The following QTMAN variants were observed in gnomAD, a reference collection of about 807,000 sequenced individuals.
QTMAN encodes the protein queuosine-tRNA mannosyltransferase.
At chr2:143,970,505 G>T in the QTMAN span, 1 of 644,894 alleles carries the variant, frequency 1.6e-6, no homozygotes, top group Non-Finnish European at 2.8e-6. Context: ...TTTTTTAATT[G>T]AATCAGACTT....
chr2:143,947,717 T>C, the QTMAN span, among the ~76,000 whole-genome samples: 1 of 152,190 alleles, frequency 6.6e-6, no homozygotes, highest in Non-Finnish European at 1.5e-5. Context: ...TAGAATCAGG[T>C]TGCAAATGAG....
chr2:144,049,847 G>C, the QTMAN span, among the ~76,000 whole-genome samples: 1 of 152,122 alleles, frequency 6.6e-6, no homozygotes, highest in Admixed American at 6.5e-5. Flanking sequence ...TACTATATTA[G>C]TTTTACTAAG....
the QTMAN span, among the ~76,000 whole-genome samples, chr2:144,255,780 T>A: frequency 6.6e-6 from 1 of 152,230 alleles, no homozygotes; most frequent in African/African-American, 2.4e-5. Context: ...GGTGAATACA[T>A]GTCATTATAC....
At chr2:144,084,090 G>A in the QTMAN span, among the ~76,000 whole-genome samples, 2 of 152,186 alleles carry the variant, frequency 1.3e-5, no homozygotes, top group Non-Finnish European at 1.5e-5. Flanking sequence ...GTGAACTAGA[G>A]AGAACTTATT....
At chr2:144,332,296 C>A in the QTMAN span, 1 of 150,486 alleles carries the variant, frequency 6.6e-6, no homozygotes, top group African/African-American at 2.4e-5. Flanking sequence ...CCCGGCTCCC[C>A]GCGCCGCAGC....
chr2:144,227,980 C>T, the QTMAN span, among the ~76,000 whole-genome samples: 1 of 152,150 alleles, frequency 6.6e-6, no homozygotes, highest in Non-Finnish European at 1.5e-5. Context: ...GAGTAAACAT[C>T]CCTTTCTAAA....
the QTMAN span, among the ~76,000 whole-genome samples, chr2:144,246,096 T>C: frequency 2.0e-5 from 3 of 152,236 alleles, no homozygotes; most frequent in East Asian, 5.8e-4. Context: ...TGTAGTCTAA[T>C]GGGGGAGACA....
chr2:144,246,911 A>G, the QTMAN span, among the ~76,000 whole-genome samples: 1 of 152,256 alleles, frequency 6.6e-6, no homozygotes, highest in Non-Finnish European at 1.5e-5. Flanking sequence ...AAGCTGGAAG[A>G]CAATGGAACA....
the QTMAN span, among the ~76,000 whole-genome samples, chr2:144,258,157 G>A: frequency 6.8e-6 from 1 of 146,348 alleles, no homozygotes; most frequent in Non-Finnish European, 1.5e-5. Flanking sequence ...GAAATACAAA[G>A]ATATATAAGA....
the QTMAN span, among the ~76,000 whole-genome samples, chr2:144,210,338 G>T: frequency 6.6e-6 from 1 of 152,096 alleles, no homozygotes; most frequent in Non-Finnish European, 1.5e-5. Flanking sequence ...ACTACAAATA[G>T]CAAGAAGGTA....
chr2:143,972,012 C>T, the QTMAN span, among the ~76,000 whole-genome samples: 2 of 152,020 alleles, frequency 1.3e-5, no homozygotes, highest in Non-Finnish European at 1.5e-5. Flanking sequence ...AGTTCTATAG[C>T]CATTTAAGTT....
At chr2:144,307,159 TAAAAAAAAA>T in the QTMAN span, among the ~76,000 whole-genome samples, 2 of 40,466 alleles carry the variant, frequency 4.9e-5, no homozygotes, top group Non-Finnish European at 7.9e-5. Context: ...GACTCCGTCT[TAAAAAAAAA>T]AAAAAAAAAA....
At chr2:144,308,055 T>C in the QTMAN span, among the ~76,000 whole-genome samples, 1 of 151,646 alleles carries the variant, frequency 6.6e-6, no homozygotes, top group Admixed American at 6.6e-5. Context: ...ACTTAAACCA[T>C]GTGATTTCAA....
chr2:144,263,836 A>G, the QTMAN span, among the ~76,000 whole-genome samples: 49 of 152,318 alleles, frequency 3.2e-4, no homozygotes, highest in African/African-American at 1.2e-3. Context: ...GCACTATAAG[A>G]GGCAAAAAGA....
the QTMAN span, among the ~76,000 whole-genome samples, chr2:144,211,846 A>G: frequency 6.6e-6 from 1 of 152,222 alleles, no homozygotes; most frequent in Non-Finnish European, 1.5e-5. Context: ...CAATAGTCAA[A>G]GAAAGCTACA....
At chr2:144,004,357 G>A in the QTMAN span, among the ~76,000 whole-genome samples, 1 of 151,958 alleles carries the variant, frequency 6.6e-6, no homozygotes, top group East Asian at 1.9e-4. Context: ...CCACCCATAC[G>A]ATCAGGGGTC....
chr2:143,982,452 G>A, the QTMAN span, among the ~76,000 whole-genome samples: 10 of 151,404 alleles, frequency 6.6e-5, no homozygotes, highest in South Asian at 4.2e-4. Flanking sequence ...GGCTGGTTTC[G>A]AACTCCTGAC....
chr2:144,048,852 T>C, the QTMAN span, among the ~76,000 whole-genome samples: 1 of 152,068 alleles, frequency 6.6e-6, no homozygotes, highest in Middle Eastern at 3.4e-3. Context: ...AGAGGTCTTA[T>C]CTGTGATAAA....
the QTMAN span, among the ~76,000 whole-genome samples, chr2:144,292,035 C>CAAGT: frequency 6.6e-6 from 1 of 152,290 alleles, no homozygotes; most frequent in Admixed American, 6.5e-5. Context: ...AGACCTTGGG[C>CAAGT]AAGTCATTTA....
Sources: allele counts gnomAD v4.1 joint callset (sites outside exome capture counted in the v4.1 genomes callset), GRCh38; gene constraint gnomAD v4.1.1; transcripts MANE v1.5; gene names NCBI Gene and HGNC (gene_info 2026-07-23, HGNC 2026-07-21).